Variants in CPS1 observed in about 807,000 individuals in gnomAD.
CPS1 encodes carbamoyl-phosphate synthase [ammonia], mitochondrial.
Under a neutral mutation model 174.6 loss-of-function variants are expected in CPS1, and 109 were observed. The ratio of observed to expected loss-of-function variants is 0.62; its 90% confidence interval spans 0.53 to 0.73. The LOEUF is 0.73. CPS1 is among the 30% of genes least tolerant of loss of function. The pLI is 0.00. For missense variants in CPS1, 1,689 were observed against 1,821.9 expected (o/e 0.93, Z 1.33); for synonymous variants, 637 against 632.0 (o/e 1.01, Z -0.12).
chr2:210,492,573 T>C (rs1393342207), intron 1 of CPS1, among the ~76,000 whole-genome samples: 1 of 152,148 alleles, frequency 6.6e-6, no homozygotes, highest in African/African-American at 2.4e-5. Context: ...CTTTTTTTTT[T>C]TTGCCTATCT....
intron 1 of CPS1, among the ~76,000 whole-genome samples, chr2:210,484,247 C>T (rs144564722): frequency 7.6e-4 from 116 of 152,244 alleles, no homozygotes; most frequent in African/African-American, 2.7e-3. Context: ...AAGGGTCAAC[C>T]TGTGCAAAGA....
rs1011343829 is a variant in CPS1, at chr2:210,639,009, C to A, written c.2830-141C>A. 7 of 672,564 alleles carry A rather than the reference C, an allele frequency of 1.0e-5. No homozygotes were observed. In the Admixed American group the frequency reaches 1.4e-4, roughly 13 times the overall value. The allele number at this position is 672,564 out of a possible 1,614,324, so 41.7% of individuals were successfully genotyped here. On this transcript the variant is annotated intron_variant, in intron 22 of 37. Coordinates refer to ENST00000233072, the MANE Select transcript of CPS1 (RefSeq NM_001875.5). The stretch of plus-strand genomic sequence containing the variant: ...TTATTTTCAGAATTAGAAAGCAATT[C>A]CACGGGTCATACATTTTCCTGTTTG...
chr2:210,638,443 C>G (rs1700104016), intron 22 of CPS1, among the ~76,000 whole-genome samples: 1 of 152,060 alleles, frequency 6.6e-6, no homozygotes, highest in Non-Finnish European at 1.5e-5. Context: ...TAAAGTACCA[C>G]CAGCTGGTTT....
intron 1 of CPS1, among the ~76,000 whole-genome samples, chr2:210,540,393 A>G (rs1325256826): frequency 2.0e-5 from 3 of 152,202 alleles, no homozygotes; most frequent in Admixed American, 1.3e-4. Flanking sequence ...TGCAATGAAT[A>G]TCTATATATC....
intron 1 of CPS1, among the ~76,000 whole-genome samples, chr2:210,500,065 G>T (rs1380302417): frequency 6.6e-6 from 1 of 152,098 alleles, no homozygotes; most frequent in Non-Finnish European, 1.5e-5. Context: ...GAGAGAATGA[G>T]TGCCAAGCAA....
intron 21 of CPS1, among the ~76,000 whole-genome samples, chr2:210,635,413 T>C (rs1700013532): frequency 6.6e-6 from 1 of 152,196 alleles, no homozygotes; most frequent in East Asian, 1.9e-4. Context: ...TATTGTTTCC[T>C]TATCTTCTGG....
chr2:210,645,142 A>G (rs1033752795), intron 25 of CPS1, among the ~76,000 whole-genome samples: 1 of 152,050 alleles, frequency 6.6e-6, no homozygotes, highest in African/African-American at 2.4e-5. Context: ...ACTGTGCTAT[A>G]TTAACATTTT....
intron 33 of CPS1, among the ~76,000 whole-genome samples, chr2:210,664,715 AG>A (rs1318512517): frequency 6.6e-6 from 1 of 152,234 alleles, no homozygotes; most frequent in Non-Finnish European, 1.5e-5. Context: ...AAAATAAGAA[AG>A]AATGAGAAAT....
At chr2:210,670,150 A>C (rs976839441) in intron 34 of CPS1, among the ~76,000 whole-genome samples, 1 of 152,162 alleles carries the variant, frequency 6.6e-6, no homozygotes, top group Non-Finnish European at 1.5e-5. Flanking sequence ...ATGTTCTAGC[A>C]GCTACATGAG....
chr2:210,600,908 T>C (rs2105840972), intron 15 of CPS1, among the ~76,000 whole-genome samples, 196 bp downstream of exon 15: 1 of 152,064 alleles, frequency 6.6e-6, no homozygotes, highest in Middle Eastern at 3.4e-3. Context: ...CATTTTACTT[T>C]ATGCAAAGAG....
chr2:210,591,973 A>G lies in CPS1; in HGVS notation c.1086+4A>G. On this transcript the variant is annotated splice_donor_region_variant and intron_variant, in intron 10 of 37. Transcript: ENST00000233072. ...TGTCAACGATCAAACAAATGAGGTA[A>G]ATGATGTCAATAAACCTGTTCAGTT... The G allele has an allele frequency of 1.9e-6, 3 of 1,610,398 alleles. No homozygotes were observed. The highest frequency in any genetic ancestry group is 2.5e-6 in the Non-Finnish European group (3 of 1,178,402).
intron 33 of CPS1, among the ~76,000 whole-genome samples, chr2:210,665,587 G>A (rs1223102159): frequency 6.7e-6 from 1 of 149,734 alleles, no homozygotes; most frequent in Non-Finnish European, 1.5e-5. Flanking sequence ...TTGGTTTTTT[G>A]TCCTTGCAAT....
chr2:210,516,958 G>C (rs1204405014), intron 1 of CPS1, among the ~76,000 whole-genome samples: 2 of 151,764 alleles, frequency 1.3e-5, no homozygotes, highest in Non-Finnish European at 2.9e-5. Flanking sequence ...ATATTAGCTT[G>C]CTTTTTCTAA....
intron 20 of CPS1, among the ~76,000 whole-genome samples, chr2:210,612,562 C>G (rs184688107): frequency 6.6e-6 from 1 of 151,708 alleles, no homozygotes; most frequent in Admixed American, 6.6e-5. Context: ...ATAAAATGTC[C>G]CCCTTTTTAA....
At chr2:210,597,947 C>T (rs1260846638) in intron 13 of CPS1, among the ~76,000 whole-genome samples, 1 of 151,756 alleles carries the variant, frequency 6.6e-6, no homozygotes, top group East Asian at 1.9e-4. Context: ...TGTTAAAGCA[C>T]TATAGCAAGC....
Position 210,675,598 on chromosome 2 carries a change from GTC to G in CPS1, c.4162-126_4162-125del. 3 of 709,876 alleles carry G rather than the reference GTC, an allele frequency of 4.2e-6. 1 individual carries two copies. The Middle Eastern group carries it at 7.1e-4, about 168-fold the overall frequency. The allele number at this position is 709,876 out of a possible 1,614,324, so 44.0% of individuals were successfully genotyped here. On this transcript the variant is annotated intron_variant, in intron 35 of 37. Coordinates refer to ENST00000233072, the MANE Select transcript of CPS1 (RefSeq NM_001875.5). ...CCATGCCTCTGGACTGTGAGTCCAA[GTC>G]TCTATCCATGGCACTATACTACTTC...
intron 20 of CPS1, among the ~76,000 whole-genome samples, chr2:210,613,628 T>C (rs1487760290): frequency 6.6e-6 from 1 of 151,932 alleles, no homozygotes; most frequent in Non-Finnish European, 1.5e-5. Context: ...ATAGATTTTT[T>C]CCTTAAGTCT....
chr2:210,556,979 T>C, intron 1 of CPS1, 120 bp downstream of exon 1: 1 of 1,164,530 alleles, frequency 8.6e-7, no homozygotes, highest in Non-Finnish European at 1.3e-6. Flanking sequence ...ACTAATGTAT[T>C]AATGTTTCCT....
At chr2:210,613,674 A>C (rs1421898264) in intron 20 of CPS1, among the ~76,000 whole-genome samples, 1 of 151,920 alleles carries the variant, frequency 6.6e-6, no homozygotes, top group Non-Finnish European at 1.5e-5. Flanking sequence ...AGGAGATGAA[A>C]AAGGCAAGCA....
Sources: gnomAD v4.1 joint callset for allele counts (sites outside exome capture counted in the v4.1 genomes callset) on GRCh38, gnomAD v4.1.1 for gene constraint, MANE v1.5 for transcripts, NCBI Gene and HGNC (gene_info 2026-07-23, HGNC 2026-07-21) for gene names.